The following ANXA7 variants were observed in gnomAD, a reference collection of about 807,000 sequenced individuals.
The protein encoded by ANXA7 is annexin VII.
A neutral mutation model predicts 64.9 loss-of-function variants in ANXA7; 55 were observed. The observed-to-expected ratio is 0.85, with a 90% CI of 0.68 to 1.06. ANXA7 has a LOEUF of 1.06. ANXA7 is among the 50% of genes least tolerant of loss of function. ANXA7 has a pLI of 0.00. For missense variants in ANXA7, 548 were observed against 582.1 expected (o/e 0.94, Z 0.60); for synonymous variants, 200 against 192.4 (o/e 1.04, Z -0.33).
In ANXA7 at chr10:73,380,109, G is replaced by A. The variant is rs138551538; in HGVS notation, c.1011C>T (p.Thr337=). The A allele has an allele frequency of 6.6e-5, 106 of 1,613,936 alleles. No individual in the cohort carries two copies. The highest frequency in any genetic ancestry group is 4.9e-4 in the Middle Eastern group (3 of 6,084). The change falls in exon 10 of 13, where the codon ACC becomes ACT. Residue 337 remains threonine, a synonymous_variant. Transcript: ENST00000372921. ...GGATCATGTTAAAGCAAGATTCATCGGTCCCTAGTCTCCCCTCACCAGCTT... is the reference window on the plus strand; with the variant it reads ...GGATCATGTTAAAGCAAGATTCATCAGTCCCTAGTCTCCCCTCACCAGCTT... The part of the protein sequence containing the change: ...LYQAGEGRLG[T]DESCFNMILA...
intron 7 of ANXA7, 126 bp downstream of exon 7, chr10:73,387,563 G>T: frequency 1.3e-6 from 1 of 748,344 alleles, no homozygotes; most frequent in Non-Finnish European, 2.4e-6. Context: ...GTACCCTTGA[G>T]GTCTCTAAAG....
chr10:73,396,303 C>T (rs2055574377), intron 5 of ANXA7, among the ~76,000 whole-genome samples: 1 of 152,152 alleles, frequency 6.6e-6, no homozygotes, highest in Non-Finnish European at 1.5e-5. Context: ...AGAATCATTA[C>T]CTATGAGAAT....
intron 9 of ANXA7, among the ~76,000 whole-genome samples, chr10:73,382,824 C>T (rs2055296054): frequency 6.6e-6 from 1 of 152,182 alleles, no homozygotes; most frequent in Admixed American, 6.5e-5. Context: ...TGTAGCACCT[C>T]TATGGCAGTC....
At chr10:73,387,087 G>C (rs949504570) in intron 7 of ANXA7, among the ~76,000 whole-genome samples, 1 of 152,192 alleles carries the variant, frequency 6.6e-6, no homozygotes, top group Admixed American at 6.5e-5. Context: ...CACTGTAACA[G>C]GCAGAAGACT....
chr10:73,390,691 A>AAAAT (rs1554816945), intron 5 of ANXA7, among the ~76,000 whole-genome samples: 69 of 122,270 alleles, frequency 5.6e-4, no homozygotes, highest in African/African-American at 2.4e-3. Context: ...TCTCTTTTGT[A>AAAAT]AAATATATAT....
At chr10:73,404,876 T>C (rs1306381378) in intron 1 of ANXA7, among the ~76,000 whole-genome samples, 2 of 152,132 alleles carry the variant, frequency 1.3e-5, no homozygotes, top group Non-Finnish European at 2.9e-5. Flanking sequence ...TCTGAGCACT[T>C]TGGAAGCCAA....
chr10:73,376,008 T>G lies in ANXA7; in HGVS notation c.*87A>C. 8.8e-7 allele frequency: 1 copy of G among 1,139,448 alleles called. No homozygotes were observed. The highest frequency in any genetic ancestry group is 1.2e-6 in the Non-Finnish European group (1 of 838,558). 70.6% of individuals were successfully genotyped at this position (1,139,448 alleles called of 1,614,324 possible). On this transcript the variant is annotated 3_prime_UTR_variant, in exon 13 of 13. Coordinates refer to ENST00000372921, the MANE Select transcript of ANXA7 (RefSeq NM_001156.5). Reference sequence around the variant, plus strand: ...ACAGAAAGCTCTTTCGGTTAGCTGATGTTTGATATTGCTGCATGCAGGTCA... The same window carrying G: ...ACAGAAAGCTCTTTCGGTTAGCTGAGGTTTGATATTGCTGCATGCAGGTCA...
chr10:73,396,524 T>G lies in ANXA7; in HGVS notation c.430A>C (p.Ser144Arg), dbSNP rs2055578167. ...AAAAGGTAGGAACAAAATACCTGACTAGGGTAAGTAGGTTGTCCTCCAGGA... is the reference window on the plus strand; with the variant it reads ...AAAAGGTAGGAACAAAATACCTGACGAGGGTAAGTAGGTTGTCCTCCAGGA... Reference protein sequence around the residue: ...QYPGGQPTYPSQPATVTQVTQ... With the variant: ...QYPGGQPTYPRQPATVTQVTQ... The change falls in exon 5 of 13, where the codon AGT (serine) becomes CGT (arginine). Residue 144 changes from serine (S) to arginine (R), a missense_variant. Coordinates refer to ENST00000372921, the MANE Select transcript of ANXA7 (RefSeq NM_001156.5). The G allele has an allele frequency of 2.5e-6, 4 of 1,609,184 alleles. No individual in the cohort carries two copies. Among genetic ancestry groups the G allele is most frequent in the Non-Finnish European group, 3.4e-6 (4 of 1,177,410 alleles).
intron 9 of ANXA7, 33 bp downstream of exon 9, chr10:73,383,142 C>T (rs760077302): frequency 6.4e-7 from 1 of 1,554,120 alleles, no homozygotes; most frequent in East Asian, 2.3e-5. Flanking sequence ...TATGTTCCCT[C>T]TATCAACGCA....
At chr10:73,396,395 A>G (rs2055576031) in intron 5 of ANXA7, 124 bp downstream of exon 5, 2 of 721,026 alleles carry the variant, frequency 2.8e-6, no homozygotes, top group Non-Finnish European at 4.8e-6. Flanking sequence ...TATCAGAAGT[A>G]AAGACTTTAG....
At chr10:73,392,952 C>G (rs1376015789) in intron 5 of ANXA7, among the ~76,000 whole-genome samples, 1 of 152,050 alleles carries the variant, frequency 6.6e-6, no homozygotes, top group African/African-American at 2.4e-5. Flanking sequence ...TTTAGAAAAC[C>G]CCATTGTCTC....
chr10:73,384,328 T>C (rs1328930933), intron 7 of ANXA7, among the ~76,000 whole-genome samples: 1 of 152,172 alleles, frequency 6.6e-6, no homozygotes, highest in Non-Finnish European at 1.5e-5. Flanking sequence ...TAAACAGATA[T>C]TTACTTAGTA....
chr10:73,377,773 G>GGTGTGTGTGTGTGTGTGT (rs368036663), intron 12 of ANXA7, among the ~76,000 whole-genome samples: 26 of 124,848 alleles, frequency 2.1e-4, no homozygotes, highest in African/African-American at 8.4e-4. Context: ...GGTGGGTGTG[G>GGTGTGTGTGTGTGTGTGT]GTGTGTGTGT....
chr10:73,388,059 T>C (rs1413851582), intron 6 of ANXA7, among the ~76,000 whole-genome samples: 1 of 152,090 alleles, frequency 6.6e-6, no homozygotes, highest in African/African-American at 2.4e-5. Flanking sequence ...TTCGCCATGT[T>C]GGCCAGGCTG....
chr10:73,406,923 ATC>A (rs1222563258), intron 1 of ANXA7, among the ~76,000 whole-genome samples: 2 of 151,988 alleles, frequency 1.3e-5, no homozygotes, highest in African/African-American at 4.8e-5. Flanking sequence ...TCAACGTGAA[ATC>A]TCTATCACTT....
chr10:73,381,044 AT>A (rs112704513), intron 9 of ANXA7, among the ~76,000 whole-genome samples: 6 of 150,816 alleles, frequency 4.0e-5, no homozygotes, highest in Non-Finnish European at 4.4e-5. Flanking sequence ...TGAGTATAAT[AT>A]TTTTTTTTAA....
At chr10:73,405,898 T>C (rs2055749203) in intron 1 of ANXA7, among the ~76,000 whole-genome samples, 1 of 152,116 alleles carries the variant, frequency 6.6e-6, no homozygotes, top group African/African-American at 2.4e-5. Flanking sequence ...TATCTGTCAA[T>C]AGCACCACTA....
chr10:73,411,910 G>T lies in ANXA7; in HGVS notation c.-2+2102C>A, dbSNP rs146174734. On this transcript the variant is annotated intron_variant, in intron 1 of 12. Transcript: ENST00000372921. ...AAAGTGAAAAACTGCATAGTGTGCT[G>T]CCATTATGTGTAAAAAATGCACTGA... Among the ~76,000 whole-genome samples the T allele has an allele frequency of 2.6e-3, 392 of 151,486 alleles. 1 individual carries two copies. Among genetic ancestry groups the T allele is most frequent in the Non-Finnish European group, 4.6e-3 (310 of 67,904 alleles).
chr10:73,400,114 G>C (rs1276299834), intron 2 of ANXA7, among the ~76,000 whole-genome samples: 3 of 152,254 alleles, frequency 2.0e-5, no homozygotes, highest in African/African-American at 7.2e-5. Context: ...CTGCACTCCA[G>C]CCTGGGCGCA....
Sources: gnomAD v4.1 joint callset for allele counts (sites outside exome capture counted in the v4.1 genomes callset) on GRCh38, gnomAD v4.1.1 for gene constraint, MANE v1.5 for transcripts, NCBI Gene and HGNC (gene_info 2026-07-23, HGNC 2026-07-21) for gene names.